DHRSX: variants seen among roughly 807,000 people sequenced by gnomAD.
DHRSX encodes polyprenol dehydrogenase.
In DHRSX, 31 loss-of-function variants were observed where a neutral mutation model predicts 34.0. The ratio of observed to expected loss-of-function variants is 0.91; its 90% confidence interval spans 0.69 to 1.23. The LOEUF (loss-of-function observed/expected upper bound fraction) is 1.23, where lower values mean the gene tolerates loss of function less well. Ranked by LOEUF, DHRSX falls within the 50% of genes most tolerant of loss-of-function variation. DHRSX has a pLI of 0.00. For synonymous variants in DHRSX, 201 were observed against 183.8 expected, an observed-to-expected ratio of 1.09 and a Z score of -0.76; for missense variants, 414 against 428.1, an observed-to-expected ratio of 0.97 and a Z score of 0.29.
At chrX:2,447,007 C>G (rs1302408067) in intron 1 of DHRSX, among the ~76,000 whole-genome samples, 3 of 152,016 alleles carry the variant, frequency 2.0e-5, no homozygotes, top group African/African-American at 7.2e-5. Context: ...GAAGACATTC[C>G]CTAGGCATGA....
intron 5 of DHRSX, among the ~76,000 whole-genome samples, chrX:2,249,191 C>CTTTTT (rs541852639): frequency 7.6e-5 from 9 of 118,880 alleles, no homozygotes; most frequent in Non-Finnish European, 1.2e-4. Flanking sequence ...AATCATAAAT[C>CTTTTT]TTTTTTTTTT....
chrX:2,220,939 A>T lies in DHRSX; in HGVS notation c.*102T>A. 8.9e-7 allele frequency: 1 copy of T among 1,117,838 alleles called. No individual in the cohort carries two copies. Among genetic ancestry groups the T allele is most frequent in the Non-Finnish European group, 1.3e-6 (1 of 770,816 alleles). 69.2% of individuals were successfully genotyped at this position (1,117,838 alleles called of 1,614,324 possible). On this transcript the variant is annotated 3_prime_UTR_variant, in exon 7 of 7. Coordinates refer to ENST00000334651, the MANE Select transcript of DHRSX (RefSeq NM_145177.3). ...AACTAGAGGACAGAGCCCTGTGGGC[A>T]GGTGGGTGTGAGAAACTCAAACACC...
chrX:2,424,550 T>G (rs750266367), intron 2 of DHRSX, among the ~76,000 whole-genome samples: 1 of 152,244 alleles, frequency 6.6e-6, no homozygotes, highest in Non-Finnish European at 1.5e-5. Flanking sequence ...GAAAAATAAA[T>G]TTTGGCTTTT....
intron 5 of DHRSX, among the ~76,000 whole-genome samples, chrX:2,264,052 C>T (rs2041402667): frequency 6.6e-6 from 1 of 152,210 alleles, no homozygotes; most frequent in African/African-American, 2.4e-5. Context: ...TATGTCTCAC[C>T]TCTGTGTTTC....
Position 2,304,188 on chromosome X carries a change from GATGGATGGATGGATAA to G in DHRSX, c.287-12601_287-12586del, listed in dbSNP as rs1237235872. ...GGATGAACTGATGGATGGATGGATG[GATGGATGGATGGATAA>G]ATGGATGGATGGATGGATGGATGGA... On this transcript the variant is annotated intron_variant, in intron 3 of 6. Transcript: ENST00000334651. Among the ~76,000 whole-genome samples, 997 of 115,480 alleles carry G rather than the reference GATGGATGGATGGATAA, an allele frequency of 8.6e-3. 11 individuals are homozygous for G. Among genetic ancestry groups the G allele is most frequent in the South Asian group, 0.015 (51 of 3,426 alleles). The allele number at this position is 115,480 out of a possible 152,430, so 75.8% of individuals were successfully genotyped here. A position where few individuals can be genotyped will look rare whatever the true frequency, so the allele number is the denominator to read the frequency against.
At chrX:2,271,155 C>G (rs766059996) in intron 4 of DHRSX, among the ~76,000 whole-genome samples, 3 of 152,146 alleles carry the variant, frequency 2.0e-5, no homozygotes, top group Non-Finnish European at 2.9e-5. Context: ...TGCCAAGGTC[C>G]GCAGCTTCAC....
At chrX:2,432,411 G>C (rs2043938691) in intron 1 of DHRSX, among the ~76,000 whole-genome samples, 4 of 152,140 alleles carry the variant, frequency 2.6e-5, no homozygotes, top group Admixed American at 2.6e-4. Flanking sequence ...AGGCGGCAAA[G>C]AGGAAAATTC....
At chrX:2,320,791 G>A (rs993727785) in intron 3 of DHRSX, among the ~76,000 whole-genome samples, 38 of 151,760 alleles carry the variant, frequency 2.5e-4, no homozygotes, top group Middle Eastern at 6.8e-3. Flanking sequence ...CTGCCAAGCC[G>A]CTTCGTGGAT....
At chrX:2,295,954 G>A (rs2041926838) in intron 3 of DHRSX, among the ~76,000 whole-genome samples, 1 of 152,056 alleles carries the variant, frequency 6.6e-6, no homozygotes, top group South Asian at 2.1e-4. Flanking sequence ...CCTTTTCTGG[G>A]ATGGACTGTG....
chrX:2,500,965 G>A lies in DHRSX; in HGVS notation c.-40C>T. On this transcript the variant is annotated 5_prime_UTR_variant, in exon 1 of 7. Transcript: ENST00000334651. Reference sequence around the variant, plus strand: ...CGCCGCCGCCGCTTCCGCGCCGCCCGCGGGACTCTGCGCCCGCCCGCCCGG... The same window carrying A: ...CGCCGCCGCCGCTTCCGCGCCGCCCACGGGACTCTGCGCCCGCCCGCCCGG... 2 of 977,164 alleles carry A rather than the reference G, an allele frequency of 2.0e-6. No homozygotes were observed. The highest frequency in any genetic ancestry group is 2.5e-6 in the Non-Finnish European group (2 of 816,176). 60.5% of individuals were successfully genotyped at this position (977,164 alleles called of 1,614,324 possible).
At chrX:2,458,237 T>G (rs2044339691) in intron 1 of DHRSX, among the ~76,000 whole-genome samples, 1 of 151,854 alleles carries the variant, frequency 6.6e-6, no homozygotes, top group African/African-American at 2.4e-5. Context: ...GACCCCCACC[T>G]TGTACAAAGT....
intron 3 of DHRSX, among the ~76,000 whole-genome samples, chrX:2,298,008 G>C (rs1022729170): frequency 1.3e-5 from 2 of 152,050 alleles, no homozygotes; most frequent in Non-Finnish European, 2.9e-5. Flanking sequence ...TGCCCGCCTC[G>C]GCCTCCCAAA....
chrX:2,459,689 C>A (rs1421649102), intron 1 of DHRSX, among the ~76,000 whole-genome samples: 9 of 151,762 alleles, frequency 5.9e-5, no homozygotes, highest in Non-Finnish European at 1.0e-4. Context: ...CAAAACAAGA[C>A]CCAGTTTTGA....
intron 6 of DHRSX, among the ~76,000 whole-genome samples, chrX:2,235,817 T>C (rs2016000600): frequency 6.9e-6 from 1 of 144,748 alleles, no homozygotes; most frequent in Non-Finnish European, 1.5e-5. Context: ...AGCAAATCAA[T>C]AAATACATAA....
intron 3 of DHRSX, among the ~76,000 whole-genome samples, chrX:2,337,154 G>A (rs370491031): frequency 7.9e-5 from 12 of 152,144 alleles, no homozygotes; most frequent in South Asian, 2.1e-4. Flanking sequence ...GCTATTTCCC[G>A]TAATGACATG....
intron 3 of DHRSX, among the ~76,000 whole-genome samples, chrX:2,366,508 C>T (rs1360988579): frequency 1.3e-5 from 2 of 151,726 alleles, no homozygotes; most frequent in Non-Finnish European, 2.9e-5. Flanking sequence ...TATTTTTATA[C>T]CCTCTAATAT....
At chrX:2,478,093 A>G (rs921562282) in intron 1 of DHRSX, among the ~76,000 whole-genome samples, 3 of 152,178 alleles carry the variant, frequency 2.0e-5, no homozygotes, top group Non-Finnish European at 4.4e-5. Flanking sequence ...CAGTTCCAGA[A>G]AGCAAATGAA....
chrX:2,244,504 C>T (rs1444519935), intron 5 of DHRSX, among the ~76,000 whole-genome samples: 3 of 152,128 alleles, frequency 2.0e-5, no homozygotes, highest in Non-Finnish European at 4.4e-5. Context: ...ATGCTAGGCA[C>T]AGATCATTAG....
intron 4 of DHRSX, among the ~76,000 whole-genome samples, chrX:2,282,878 AGAGGGAGGGAG>A (rs1462901217): frequency 5.0e-4 from 64 of 128,662 alleles, no homozygotes; most frequent in Non-Finnish European, 6.8e-4. Context: ...AGAGGGGGAG[AGAGGGAGGGAG>A]GAGGGAGAAG....
Sources: allele counts gnomAD v4.1 joint callset (sites outside exome capture counted in the v4.1 genomes callset), GRCh38; gene constraint gnomAD v4.1.1; transcripts MANE v1.5; gene names NCBI Gene and HGNC (gene_info 2026-07-23, HGNC 2026-07-21).